Variants in PLCB4 observed in about 807,000 individuals in gnomAD.
PLCB4 encodes the protein phospholipase C beta 4.
PLCB4 carries 77 observed loss-of-function variants against 178.8 expected under a neutral mutation model. The ratio of observed to expected loss-of-function variants is 0.43; its 90% CI spans 0.36 to 0.52. The LOEUF is 0.52. Ranked by LOEUF, PLCB4 falls within the 20% of genes least tolerant of loss-of-function variation. PLCB4 has a pLI of 0.00. For synonymous variants in PLCB4, 496 were observed against 490.8 expected, an observed-to-expected ratio of 1.01 and a Z score of -0.14; for missense variants, 1,024 against 1,453.4, an observed-to-expected ratio of 0.70 and a Z score of 4.80.
intron 3 of PLCB4, among the ~76,000 whole-genome samples, chr20:9,264,476 C>A (rs1254194671): frequency 1.4e-5 from 2 of 147,226 alleles, no homozygotes; most frequent in Non-Finnish European, 3.0e-5. Context: ...AATCAGGTGG[C>A]CTCTCTCAAT....
At chr20:9,322,028 A>C (rs2094965239) in intron 4 of PLCB4, among the ~76,000 whole-genome samples, 1 of 147,874 alleles carries the variant, frequency 6.8e-6, no homozygotes, top group African/African-American at 2.5e-5. Flanking sequence ...GCTTACTGCA[A>C]CCTCTAACTC....
chr20:9,291,740 T>C (rs1166739555), intron 3 of PLCB4, among the ~76,000 whole-genome samples: 1 of 152,176 alleles, frequency 6.6e-6, no homozygotes, highest in Admixed American at 6.5e-5. Flanking sequence ...TTGAGATTTA[T>C]GTAGGTGACA....
chr20:9,363,326 T>G (rs1256290288), intron 8 of PLCB4, among the ~76,000 whole-genome samples: 1 of 152,108 alleles, frequency 6.6e-6, no homozygotes, highest in Non-Finnish European at 1.5e-5. Context: ...AGTGCTGGGG[T>G]AATTCTATCC....
At chr20:9,364,655 C>T (rs553462614) in intron 8 of PLCB4, among the ~76,000 whole-genome samples, 2 of 152,338 alleles carry the variant, frequency 1.3e-5, no homozygotes, top group African/African-American at 2.4e-5. Context: ...CTCTTCATCC[C>T]TAAAACATCC....
intron 2 of PLCB4, among the ~76,000 whole-genome samples, chr20:9,200,128 T>C (rs2093524451): frequency 6.7e-6 from 1 of 149,772 alleles, no homozygotes; most frequent in Admixed American, 6.7e-5. Context: ...TTTTCACTCT[T>C]GACTCTCAAA....
At chr20:9,304,002 C>G (rs1310095929) in intron 3 of PLCB4, among the ~76,000 whole-genome samples, 2 of 152,014 alleles carry the variant, frequency 1.3e-5, no homozygotes, top group Non-Finnish European at 2.9e-5. Context: ...CTGCCCCCAC[C>G]TAAATCTCCC....
chr20:9,075,540 A>T (rs1341356146), intron 1 of PLCB4, among the ~76,000 whole-genome samples: 1 of 152,212 alleles, frequency 6.6e-6, no homozygotes, highest in Non-Finnish European at 1.5e-5. Flanking sequence ...GAAGTTCCTC[A>T]TGGTTTTAAT....
chr20:9,152,312 C>G (rs1265386720), intron 2 of PLCB4, among the ~76,000 whole-genome samples: 2 of 152,122 alleles, frequency 1.3e-5, no homozygotes, highest in African/African-American at 4.8e-5. Context: ...ATATCAGAGA[C>G]CTTCACAGCA....
intron 3 of PLCB4, among the ~76,000 whole-genome samples, chr20:9,250,442 A>T (rs1042278043): frequency 7.2e-5 from 11 of 152,250 alleles, no homozygotes; most frequent in Non-Finnish European, 1.5e-4. Context: ...ATGTTCAGAA[A>T]GCCAAGATTT....
At chr20:9,390,011 CTAA>C in intron 16 of PLCB4, 53 bp downstream of exon 16, 1 of 884,588 alleles carries the variant, frequency 1.1e-6, no homozygotes, top group Non-Finnish European at 1.9e-6. Flanking sequence ...TTCCTAACCC[CTAA>C]TGCCCACTCC....
intron 2 of PLCB4, among the ~76,000 whole-genome samples, chr20:9,209,394 C>A (rs1352738978): frequency 6.6e-6 from 1 of 151,892 alleles, no homozygotes; most frequent in Non-Finnish European, 1.5e-5. Context: ...ACTACTGCCC[C>A]TTGGTTTACA....
chr20:9,394,584 A>G (rs1171777935), intron 18 of PLCB4, among the ~76,000 whole-genome samples: 1 of 152,178 alleles, frequency 6.6e-6, no homozygotes, highest in African/African-American at 2.4e-5. Flanking sequence ...AATTTAATAT[A>G]TATGACATAG....
At chr20:9,256,732 T>G (rs910828405) in intron 3 of PLCB4, among the ~76,000 whole-genome samples, 1 of 152,244 alleles carries the variant, frequency 6.6e-6, no homozygotes, top group Non-Finnish European at 1.5e-5. Flanking sequence ...GTTTTCCATC[T>G]GAGTTGGAAA....
chr20:9,225,973 C>A (rs950796573), intron 3 of PLCB4, among the ~76,000 whole-genome samples: 6 of 152,220 alleles, frequency 3.9e-5, no homozygotes, highest in Non-Finnish European at 5.9e-5. Context: ...CTAAAATAAA[C>A]CCTCCCAGGA....
chr20:9,417,452 A>T (rs2040332852), intron 25 of PLCB4, among the ~76,000 whole-genome samples: 1 of 152,182 alleles, frequency 6.6e-6, no homozygotes, highest in Non-Finnish European at 1.5e-5. Context: ...TTTATATAAC[A>T]TATGGCCTTT....
At chr20:9,449,946 T>A (rs2042650582) in intron 32 of PLCB4, among the ~76,000 whole-genome samples, 1 of 152,168 alleles carries the variant, frequency 6.6e-6, no homozygotes, top group East Asian at 1.9e-4. Flanking sequence ...TGAGCAAACA[T>A]GATTTACTCC....
At chr20:9,250,012 A>G (rs2094163865) in intron 3 of PLCB4, among the ~76,000 whole-genome samples, 4 of 152,212 alleles carry the variant, frequency 2.6e-5, no homozygotes, top group Admixed American at 1.3e-4. Context: ...AAATTGACAG[A>G]CTATTATCAG....
chr20:9,177,101 C>T (rs1024075291), intron 2 of PLCB4, among the ~76,000 whole-genome samples: 11 of 152,126 alleles, frequency 7.2e-5, no homozygotes, highest in African/African-American at 2.7e-4. Context: ...GAAGATGGAA[C>T]CCATGGCTGT....
chr20:9,225,968 A>G (rs2093859654), intron 3 of PLCB4, among the ~76,000 whole-genome samples: 1 of 152,236 alleles, frequency 6.6e-6, no homozygotes, highest in Admixed American at 6.5e-5. Flanking sequence ...GAAGACTAAA[A>G]TAAACCCTCC....
Sources: gnomAD v4.1 joint callset for allele counts (sites outside exome capture counted in the v4.1 genomes callset) on GRCh38, gnomAD v4.1.1 for gene constraint, MANE v1.5 for transcripts, NCBI Gene and HGNC (gene_info 2026-07-23, HGNC 2026-07-21) for gene names.